HYDIN: variants seen among roughly 807,000 people sequenced by gnomAD.
HYDIN encodes the protein HYDIN axonemal central pair apparatus protein.
In HYDIN, 132 loss-of-function variants were observed where a neutral mutation model predicts 403.9. The observed-to-expected ratio is 0.33, with a 90% CI of 0.28 to 0.38. The LOEUF is 0.38. Ranked by LOEUF, HYDIN falls within the 10% of genes least tolerant of loss-of-function variation. HYDIN has a pLI of 1.00. For missense variants in HYDIN, 2,827 were observed against 5,009.5 expected (o/e 0.56, Z 13.15); for synonymous variants, 1,202 against 1,891.7 (o/e 0.64, Z 9.46).
intron 1 of HYDIN, among the ~76,000 whole-genome samples, chr16:71,214,767 C>CA (rs2088788593): frequency 6.6e-6 from 1 of 152,188 alleles, no homozygotes; most frequent in South Asian, 2.1e-4. Flanking sequence ...CCCAGTGGGA[C>CA]AAAACCTCAG....
At chr16:70,855,453 T>C (rs2038959773) in intron 72 of HYDIN, among the ~76,000 whole-genome samples, 178 bp from the exon 73 acceptor site, 2 of 152,430 alleles carry the variant, frequency 1.3e-5, no homozygotes, top group Non-Finnish European at 2.9e-5. Context: ...GGGGATTCCA[T>C]GTCTTTCTTC....
At chr16:71,137,052 G>T (rs1321169242) in intron 8 of HYDIN, 99 bp downstream of exon 8, 2 of 827,394 alleles carry the variant, frequency 2.4e-6, no homozygotes, top group East Asian at 2.5e-5. Flanking sequence ...GGTTGAGTTG[G>T]CTAAAAATGT....
At chr16:71,180,621 G>GAAAC (rs1163573821) in intron 3 of HYDIN, among the ~76,000 whole-genome samples, 1 of 74,980 alleles carries the variant, frequency 1.3e-5, no homozygotes, top group Non-Finnish European at 2.2e-5. Context: ...ACAGATAGAT[G>GAAAC]AAAGAAAGAG....
chr16:70,919,508 G>C (rs1365351996), intron 46 of HYDIN, among the ~76,000 whole-genome samples: 1 of 152,054 alleles, frequency 6.6e-6, no homozygotes, highest in Non-Finnish European at 1.5e-5. Flanking sequence ...GGATTGCAGG[G>C]ATGACTCTGA....
chr16:70,963,210 T>C (rs569772821), intron 37 of HYDIN, among the ~76,000 whole-genome samples: 99 of 152,144 alleles, frequency 6.5e-4, no homozygotes, highest in Non-Finnish European at 1.0e-3. Flanking sequence ...GATTTTTTTT[T>C]CCCCGGCACT....
chr16:70,902,412 A>G (rs2076406322), intron 52 of HYDIN, among the ~76,000 whole-genome samples: 1 of 148,940 alleles, frequency 6.7e-6, no homozygotes, highest in Non-Finnish European at 1.5e-5. Context: ...AGTTGAGACC[A>G]GCCTGGGCAA....
intron 37 of HYDIN, among the ~76,000 whole-genome samples, chr16:70,964,187 G>T (rs1222461539): frequency 6.8e-6 from 1 of 148,120 alleles, no homozygotes; most frequent in African/African-American, 2.5e-5. Flanking sequence ...ACAGCTCTGC[G>T]ATTGGAGTTT....
intron 23 of HYDIN, among the ~76,000 whole-genome samples, chr16:71,005,308 T>C (rs1337631121): frequency 6.6e-6 from 1 of 152,140 alleles, no homozygotes; most frequent in Non-Finnish European, 1.5e-5. Flanking sequence ...TGTGGCCAAC[T>C]AGTACTTGAG....
intron 84 of HYDIN, among the ~76,000 whole-genome samples, chr16:70,810,348 A>G (rs1455233924): frequency 4.6e-5 from 7 of 152,250 alleles, no homozygotes. Context: ...GCTCATGGCC[A>G]ATCTCAGAAC....
At chr16:70,982,161 G>C (rs1597465977) in intron 28 of HYDIN, among the ~76,000 whole-genome samples, 1 of 149,498 alleles carries the variant, frequency 6.7e-6, no homozygotes, top group Middle Eastern at 3.4e-3. Context: ...AAGAAAAATC[G>C]TTCATAAATA....
rs562370207 is a variant in HYDIN at position 70,898,868 on chromosome 16, C to T, written c.9048+2136G>A. 2.8e-3 allele frequency among the ~76,000 whole-genome samples: 430 copies of T among 151,436 alleles called. 1 individual carries two copies. The highest frequency in any genetic ancestry group is 0.014 in the Middle Eastern group (4 of 290). ...AAGTGATTCTCCTGCCTCAGCCTCC[C>T]GAGTAGCTGGGGTTACAGGCGTGCG... On this transcript the variant is annotated intron_variant, in intron 53 of 85. Coordinates refer to ENST00000393567, the MANE Select transcript of HYDIN (RefSeq NM_001270974.2).
chr16:70,997,849 A>G (rs112477955), intron 23 of HYDIN, among the ~76,000 whole-genome samples: 3 of 151,628 alleles, frequency 2.0e-5, no homozygotes, highest in African/African-American at 7.3e-5. Flanking sequence ...AAAGGGTTAT[A>G]AAGATCTTGT....
At chr16:71,203,467 T>A (rs564744884) in intron 1 of HYDIN, among the ~76,000 whole-genome samples, 1 of 152,290 alleles carries the variant, frequency 6.6e-6, no homozygotes, top group South Asian at 2.1e-4. Context: ...TGGTATGAAT[T>A]GCTATTTCCA....
At chr16:70,837,636 G>A (rs2037522207) in intron 77 of HYDIN, 54 bp downstream of exon 77, 2 of 1,605,710 alleles carry the variant, frequency 1.2e-6, no homozygotes, top group East Asian at 4.5e-5. Context: ...AAAGAAGGAT[G>A]AGAAGGGTAG....
chr16:71,139,242 T>C (rs1001899394), intron 7 of HYDIN, among the ~76,000 whole-genome samples: 10 of 152,164 alleles, frequency 6.6e-5, no homozygotes, highest in African/African-American at 2.4e-4. Context: ...AATTATTGAC[T>C]GGTTAGACAC....
At chr16:70,898,844 A>G (rs774155344) in intron 53 of HYDIN, among the ~76,000 whole-genome samples, 4 of 150,668 alleles carry the variant, frequency 2.7e-5, no homozygotes, top group Non-Finnish European at 4.5e-5. Flanking sequence ...CCAGGGTTCA[A>G]GTGATTCTCC....
chr16:71,166,027 G>A (rs1295526293), intron 5 of HYDIN, among the ~76,000 whole-genome samples: 3 of 149,348 alleles, frequency 2.0e-5, no homozygotes, highest in East Asian at 4.0e-4. Context: ...TAGAAAAAGC[G>A]CTGGCTGCTA....
At chr16:71,159,771 A>G (rs1260418899) in intron 6 of HYDIN, among the ~76,000 whole-genome samples, 1 of 151,952 alleles carries the variant, frequency 6.6e-6, no homozygotes, top group Non-Finnish European at 1.5e-5. Flanking sequence ...TAAAGTACTG[A>G]GGAAAAAAAT....
intron 18 of HYDIN, among the ~76,000 whole-genome samples, chr16:71,032,548 T>C (rs899012063): frequency 5.0e-5 from 7 of 138,796 alleles, no homozygotes; most frequent in African/African-American, 1.8e-4. Flanking sequence ...AAGAAATGTG[T>C]CATTAGGTGA....
Sources: gnomAD v4.1 joint callset for allele counts (sites outside exome capture counted in the v4.1 genomes callset) on GRCh38, gnomAD v4.1.1 for gene constraint, MANE v1.5 for transcripts, NCBI Gene and HGNC (gene_info 2026-07-23, HGNC 2026-07-21) for gene names.